Variants in MYO18B observed in about 807,000 individuals in gnomAD.
MYO18B encodes the protein unconventional myosin-XVIIIb.
In MYO18B, 204 loss-of-function variants were observed where a neutral mutation model predicts 273.0. That is an observed-to-expected ratio of 0.75 (90% CI 0.67 to 0.84). The LOEUF is 0.84. Among genes scored for constraint, MYO18B ranks in the 40% least tolerant of loss-of-function variants. The pLI, the probability that MYO18B is intolerant of heterozygous loss-of-function variation, is 0.00. For synonymous variants in MYO18B, 1,330 were observed against 1,305.7 expected, an observed-to-expected ratio of 1.02 and a Z score of -0.40; for missense variants, 3,212 against 3,287.6, an observed-to-expected ratio of 0.98 and a Z score of 0.56.
chr22:25,843,710 C>T (rs757125288), intron 17 of MYO18B, 25 bp from the exon 18 acceptor site: 3 of 1,604,962 alleles, frequency 1.9e-6, no homozygotes, highest in Admixed American at 1.7e-5. Context: ...GGCTCCAGCA[C>T]TCATGCCACC....
At chr22:25,838,711 A>G (rs2089980945) in intron 17 of MYO18B, among the ~76,000 whole-genome samples, 1 of 152,154 alleles carries the variant, frequency 6.6e-6, no homozygotes, top group Non-Finnish European at 1.5e-5. Flanking sequence ...GGTAGGCTCT[A>G]CCATCTAGGT....
At chr22:25,841,728 G>A (rs959549379) in intron 17 of MYO18B, among the ~76,000 whole-genome samples, 2 of 152,168 alleles carry the variant, frequency 1.3e-5, no homozygotes, top group Non-Finnish European at 2.9e-5. Flanking sequence ...TCCCCTACTC[G>A]GTCACGATCC....
intron 39 of MYO18B, among the ~76,000 whole-genome samples, chr22:25,976,326 T>C (rs966857330): frequency 6.6e-6 from 1 of 152,144 alleles, no homozygotes; most frequent in Non-Finnish European, 1.5e-5. Flanking sequence ...GGCCACTTAG[T>C]GCACTTAATT....
the MYO18B span, among the ~76,000 whole-genome samples, chr22:26,044,332 A>G: frequency 6.6e-6 from 1 of 152,182 alleles, no homozygotes; most frequent in African/African-American, 2.4e-5. Flanking sequence ...TATTTTTGGT[A>G]AAGCCGGTTT....
At chr22:25,794,086 A>G (rs748172872) in intron 11 of MYO18B, among the ~76,000 whole-genome samples, 84 of 152,008 alleles carry the variant, frequency 5.5e-4, no homozygotes, top group Non-Finnish European at 1.1e-3. Context: ...GGCACCCGCC[A>G]CCACGCCAGG....
Position 25,869,729 on chromosome 22 carries a change from G to A in MYO18B, c.3951+1344G>A, listed in dbSNP as rs17632801. Among the ~76,000 whole-genome samples, 584 of 152,222 alleles carry A rather than the reference G, an allele frequency of 3.8e-3. 2 individuals are homozygous for A. Among genetic ancestry groups the A allele is most frequent in the Middle Eastern group, 0.024 (7 of 294 alleles). ...GGAGCCCTCCCTATCATATGCATCCGTGAGAGTGGTCCTTTACTCAGGGAG... is the reference window on the plus strand; with the variant it reads ...GGAGCCCTCCCTATCATATGCATCCATGAGAGTGGTCCTTTACTCAGGGAG... On this transcript the variant is annotated intron_variant, in intron 22 of 43. Coordinates refer to ENST00000335473, the MANE Select transcript of MYO18B (RefSeq NM_032608.7).
the MYO18B span, among the ~76,000 whole-genome samples, chr22:26,036,566 AGTTCAGGCCTACAGCTT>A: frequency 6.6e-6 from 1 of 152,092 alleles, no homozygotes; most frequent in Admixed American, 6.5e-5. Context: ...TCATTCTCAT[AGTTCAGGCCTACAGCTT>A]GTAGGATTCA....
chr22:25,823,743 C>T (rs2089378425), intron 13 of MYO18B, 65 bp downstream of exon 13: 3 of 1,534,424 alleles, frequency 2.0e-6, no homozygotes, highest in East Asian at 4.5e-5. Context: ...GGGGATACAC[C>T]AGCATTCTTT....
At chr22:26,045,886 C>T in the MYO18B span, among the ~76,000 whole-genome samples, 2 of 152,178 alleles carry the variant, frequency 1.3e-5, no homozygotes, top group Non-Finnish European at 2.9e-5. Context: ...TACCACTGGG[C>T]TTCTGTGAGT....
chr22:25,997,110 G>A (rs985198301), intron 40 of MYO18B, among the ~76,000 whole-genome samples: 3 of 151,858 alleles, frequency 2.0e-5, no homozygotes, highest in African/African-American at 7.3e-5. Context: ...ATCACTTGAG[G>A]TCAGGAGTTC....
intron 39 of MYO18B, among the ~76,000 whole-genome samples, chr22:25,958,252 G>A (rs1175615178): frequency 2.6e-5 from 4 of 152,090 alleles, no homozygotes; most frequent in Admixed American, 6.5e-5. Context: ...ACATTCACAA[G>A]TCCCAGGTGG....
At position 26,027,131 on chromosome 22, in the gene MYO18B, G is replaced by A; in HGVS notation, c.7157G>A (p.Cys2386Tyr). ...CCCACACTGCGTCCTCGGAGGCGGTGTCTGGAGTCCTCTGTGGACGATGCG... is the reference window on the plus strand; with the variant it reads ...CCCACACTGCGTCCTCGGAGGCGGTATCTGGAGTCCTCTGTGGACGATGCG... ...LSPTLRPRRR[C>Y]LESSVDDAGC... The change falls in exon 43 of 44, where the codon TGT becomes TAT. Residue 2386 changes from cysteine (C) to tyrosine (Y), a missense_variant. Transcript: ENST00000335473. This position sits in a 1 kb window ranked among gnomAD's most constrained non-coding sequence, Gnocchi z 4.1. 6.2e-7 allele frequency: 1 copy of A among 1,614,048 alleles called. No individual in the cohort carries two copies. Among genetic ancestry groups the A allele is most frequent in the South Asian group, 1.1e-5 (1 of 91,086 alleles).
intron 39 of MYO18B, among the ~76,000 whole-genome samples, chr22:25,988,781 C>A (rs1217017990): frequency 6.6e-6 from 1 of 152,176 alleles, no homozygotes; most frequent in South Asian, 2.1e-4. Flanking sequence ...CTCATTTACT[C>A]CTCGCAAAAG....
rs568480386 is a variant in MYO18B at position 25,994,686 on chromosome 22, C to T, written c.6287+2193C>T. Among the ~76,000 whole-genome samples the T allele has an allele frequency of 6.6e-5, 10 of 152,306 alleles. No homozygotes were observed. The South Asian group carries it at 1.7e-3, about 25-fold the overall frequency. On this transcript the variant is annotated intron_variant, in intron 40 of 43. Transcript: ENST00000335473. The stretch of plus-strand genomic sequence containing the variant: ...CCAGCTCATGGTTGCATTTAGGATT[C>T]CACCTCCACTGCCCCCTCCTCCTGT...
chr22:25,891,232 A>G, intron 26 of MYO18B, 72 bp from the exon 27 acceptor site: 1 of 1,153,098 alleles, frequency 8.7e-7, no homozygotes, highest in South Asian at 1.4e-5. Context: ...CCTTGGAAGC[A>G]CTTCATGGGT....
At chr22:25,774,652 C>A (rs567762977) in intron 7 of MYO18B, among the ~76,000 whole-genome samples, 2 of 152,352 alleles carry the variant, frequency 1.3e-5, no homozygotes, top group African/African-American at 4.8e-5. Context: ...CACCTCCTGT[C>A]CTTAGGCCGG....
chr22:25,763,065 C>G, intron 2 of MYO18B, 166 bp from the exon 3 acceptor site: 1 of 809,270 alleles, frequency 1.2e-6, no homozygotes, highest in Non-Finnish European at 2.2e-6. Context: ...AGGGACCCCC[C>G]TGAGTCGTGC....
intron 21 of MYO18B, among the ~76,000 whole-genome samples, chr22:25,859,747 G>A (rs1473442699): frequency 6.6e-6 from 1 of 151,232 alleles, no homozygotes; most frequent in African/African-American, 2.4e-5. Flanking sequence ...TTCTTTATTT[G>A]TTCTAGACAT....
chr22:26,029,887 T>C (rs6519635), intron 43 of MYO18B, among the ~76,000 whole-genome samples: 13,362 of 152,226 alleles, frequency 0.088, 1,905 homozygotes, highest in African/African-American at 0.3. Context: ...GAATAGAGCA[T>C]GGCACCCCAT....
Sources: allele counts gnomAD v4.1 joint callset (sites outside exome capture counted in the v4.1 genomes callset), GRCh38; gene constraint gnomAD v4.1.1; non-coding constraint Gnocchi (gnomAD v3.1); transcripts MANE v1.5; gene names NCBI Gene and HGNC (gene_info 2026-07-23, HGNC 2026-07-21).